Variants in MINDY4 observed in about 807,000 individuals in gnomAD.
MINDY4 encodes the protein MINDY lysine 48 deubiquitinase 4.
A neutral mutation model predicts 87.0 loss-of-function variants in MINDY4; 68 were observed. That is an observed-to-expected ratio of 0.78 (90% CI 0.64 to 0.96). The LOEUF (loss-of-function observed/expected upper bound fraction) is 0.96, where lower values mean the gene tolerates loss of function less well. MINDY4 is among the 40% of genes least tolerant of loss of function. The pLI is 0.00. For synonymous variants in MINDY4, 379 were observed against 363.2 expected, an observed-to-expected ratio of 1.04 and a Z score of -0.50; for missense variants, 919 against 928.2, an observed-to-expected ratio of 0.99 and a Z score of 0.13.
intron 4 of MINDY4, among the ~76,000 whole-genome samples, chr7:30,787,157 T>A (rs539233546): frequency 5.3e-5 from 8 of 152,372 alleles, no homozygotes; most frequent in Non-Finnish European, 1.2e-4. Flanking sequence ...GTCTCTTCTA[T>A]TAGACCAGCT....
intron 13 of MINDY4, among the ~76,000 whole-genome samples, chr7:30,869,547 C>G (rs546532364): frequency 6.6e-6 from 1 of 152,222 alleles, no homozygotes; most frequent in East Asian, 1.9e-4. Flanking sequence ...CTCCCGGGCT[C>G]GCAGGTGGCC....
At position 30,834,893 on chromosome 7, in the gene MINDY4, T is replaced by C. The variant is rs553891489; in HGVS notation, c.1133-1765T>C. Reference sequence around the variant, plus strand: ...CACCTTTGCTCCAATTCCCAACAAGTTCCCCCTCTCCATCTGAGACCTTAT... The same window carrying C: ...CACCTTTGCTCCAATTCCCAACAAGCTCCCCCTCTCCATCTGAGACCTTAT... On this transcript the variant is annotated intron_variant, in intron 6 of 17. Coordinates refer to ENST00000265299, the MANE Select transcript of MINDY4 (RefSeq NM_032222.3). Among the ~76,000 whole-genome samples the C allele has an allele frequency of 2.8e-3, 428 of 152,272 alleles. 3 individuals are homozygous for C. The highest frequency in any genetic ancestry group is 9.8e-3 in the African/African-American group (407 of 41,568).
intron 3 of MINDY4, among the ~76,000 whole-genome samples, chr7:30,782,539 A>G (rs560267271): frequency 1.9e-4 from 29 of 152,136 alleles, no homozygotes; most frequent in Admixed American, 3.3e-4. Context: ...CTGTCTCTAC[A>G]ACAACAACAA....
At position 30,820,601 on chromosome 7, in the gene MINDY4, TA is replaced by T. The variant is rs200838576; in HGVS notation, c.1074-8077del. On this transcript the variant is annotated intron_variant, in intron 5 of 17. Transcript: ENST00000265299. Reference sequence around the variant, plus strand: ...AGCGGAATCATATAATATATAAACTTACGGTGTCAGGCTTCTTTCACTTAAC... The same window carrying T: ...AGCGGAATCATATAATATATAAACTTCGGTGTCAGGCTTCTTTCACTTAAC... Among the ~76,000 whole-genome samples, 1,195 of 152,346 alleles carry T rather than the reference TA, an allele frequency of 7.8e-3. 15 individuals carry two copies. The highest frequency in any genetic ancestry group is 0.027 in the African/African-American group (1,138 of 41,568).
At chr7:30,856,380 A>G (rs890472548) in intron 12 of MINDY4, among the ~76,000 whole-genome samples, 1 of 152,100 alleles carries the variant, frequency 6.6e-6, no homozygotes, top group African/African-American at 2.4e-5. Context: ...CAGCAAGGGC[A>G]AGAAGCCTCA....
intron 13 of MINDY4, among the ~76,000 whole-genome samples, chr7:30,869,222 T>A (rs1474289681): frequency 6.6e-6 from 1 of 152,160 alleles, no homozygotes; most frequent in Non-Finnish European, 1.5e-5. Flanking sequence ...CAGTCTTTGG[T>A]AAGGGACAGT....
chr7:30,778,315 T>C (rs2128165215), intron 1 of MINDY4, 117 bp from the exon 2 acceptor site: 1 of 1,295,468 alleles, frequency 7.7e-7, no homozygotes, highest in East Asian at 2.4e-5. Flanking sequence ...TGATGTCAAG[T>C]GTAAAGGTTA....
At chr7:30,884,140 C>G (rs1230768340) in intron 17 of MINDY4, among the ~76,000 whole-genome samples, 1 of 152,064 alleles carries the variant, frequency 6.6e-6, no homozygotes, top group South Asian at 2.1e-4. Flanking sequence ...TGCCTGAGAT[C>G]CAGGGGGCAC....
intron 11 of MINDY4, 128 bp downstream of exon 11, chr7:30,852,407 C>A: frequency 6.6e-7 from 1 of 1,508,914 alleles, no homozygotes; most frequent in Non-Finnish European, 8.9e-7. Flanking sequence ...CAGGAATCCT[C>A]ATCCTGGGAT....
At chr7:30,836,813 T>A (rs373120157) in intron 7 of MINDY4, 49 bp downstream of exon 7, 1 of 1,424,090 alleles carries the variant, frequency 7.0e-7, no homozygotes, top group Non-Finnish European at 9.9e-7. Context: ...TTTGAATGGA[T>A]ATAGATGGCG....
rs536957823 is a variant in MINDY4 at position 30,839,741 on chromosome 7, C to T, written c.1356+425C>T. Among the ~76,000 whole-genome samples, 18 of 151,984 alleles carry T rather than the reference C, an allele frequency of 1.2e-4. No individual in the cohort carries two copies. In the South Asian group the frequency reaches 2.9e-3, roughly 25 times the overall value. ...GGTGGCAGCATTAATGAAGGGGAGGCGGTTTGAAAGTCTAGGGGCTGCATG... is the reference window on the plus strand; with the variant it reads ...GGTGGCAGCATTAATGAAGGGGAGGTGGTTTGAAAGTCTAGGGGCTGCATG... On this transcript the variant is annotated intron_variant, in intron 8 of 17. Coordinates refer to ENST00000265299, the MANE Select transcript of MINDY4 (RefSeq NM_032222.3).
At chr7:30,830,193 A>G (rs1788655535) in intron 6 of MINDY4, among the ~76,000 whole-genome samples, 1 of 152,162 alleles carries the variant, frequency 6.6e-6, no homozygotes, top group Admixed American at 6.5e-5. Context: ...CTTGTCAGCA[A>G]TTACCTGCCA....
At chr7:30,890,246 G>A (rs1454132439) in intron 17 of MINDY4, among the ~76,000 whole-genome samples, 2 of 152,206 alleles carry the variant, frequency 1.3e-5, no homozygotes, top group Non-Finnish European at 2.9e-5. Context: ...GTTCCTATTT[G>A]GACAAATCAA....
chr7:30,847,196 T>C (rs1789247923), intron 9 of MINDY4, among the ~76,000 whole-genome samples: 2 of 152,322 alleles, frequency 1.3e-5, no homozygotes, highest in South Asian at 4.1e-4. Context: ...CACTGTACTT[T>C]TTCCAACTCT....
intron 15 of MINDY4, 102 bp downstream of exon 15, chr7:30,875,758 G>A: frequency 7.4e-7 from 1 of 1,354,590 alleles, no homozygotes; most frequent in South Asian, 1.4e-5. Flanking sequence ...TCTCAGAGCT[G>A]GCTGAAATTC....
chr7:30,786,106 C>G (rs1475647273), intron 4 of MINDY4, 114 bp downstream of exon 4: 1 of 1,397,346 alleles, frequency 7.2e-7, no homozygotes, highest in Non-Finnish European at 9.8e-7. Flanking sequence ...AGAAGAGGGT[C>G]TGTGTGTGGG....
chr7:30,820,082 T>A (rs1245610115), intron 5 of MINDY4, among the ~76,000 whole-genome samples: 5 of 151,102 alleles, frequency 3.3e-5, no homozygotes, highest in Admixed American at 1.3e-4. Flanking sequence ...TTTGTATTTT[T>A]AGTAGAGACG....
At chr7:30,871,255 A>G (rs1459641440) in intron 13 of MINDY4, among the ~76,000 whole-genome samples, 1 of 152,216 alleles carries the variant, frequency 6.6e-6, no homozygotes, top group East Asian at 1.9e-4. Flanking sequence ...TAAAATAGAG[A>G]CAGGAATTCC....
At chr7:30,828,468 C>T (rs1463543074) in intron 5 of MINDY4, among the ~76,000 whole-genome samples, 2 of 152,110 alleles carry the variant, frequency 1.3e-5, no homozygotes, top group African/African-American at 4.8e-5. Flanking sequence ...TGTGAGAACA[C>T]AGAATCGACA....
Sources: allele counts gnomAD v4.1 joint callset (sites outside exome capture counted in the v4.1 genomes callset), GRCh38; gene constraint gnomAD v4.1.1; transcripts MANE v1.5; gene names NCBI Gene and HGNC (gene_info 2026-07-23, HGNC 2026-07-21).